The following PAG1 variants were observed in gnomAD, a reference collection of about 807,000 sequenced individuals.
PAG1 encodes phosphoprotein membrane anchor with glycosphingolipid microdomains 1, also known as phosphoprotein associated with glycosphingolipid-enriched microdomains 1.
Under a neutral mutation model 31.7 loss-of-function variants are expected in PAG1, and 23 were observed. The observed-to-expected ratio is 0.73, with a 90% CI of 0.52 to 1.03. The LOEUF (loss-of-function observed/expected upper bound fraction) is 1.03. Ranked by LOEUF, PAG1 falls within the 50% of genes least tolerant of loss-of-function variation. PAG1 has a pLI of 0.00. For missense variants in PAG1, 473 were observed against 540.7 expected, an observed-to-expected ratio of 0.87 and a Z score of 1.24; for synonymous variants, 214 against 210.3, an observed-to-expected ratio of 1.02 and a Z score of -0.15.
intron 3 of PAG1, among the ~76,000 whole-genome samples, chr8:81,007,786 T>C (rs369840879): frequency 9.2e-5 from 14 of 152,302 alleles, no homozygotes; most frequent in African/African-American, 2.6e-4. Context: ...ACTATATTTC[T>C]GTGAGTGGCA....
chr8:81,031,389 G>A (rs1271731216), intron 2 of PAG1, among the ~76,000 whole-genome samples: 1 of 152,158 alleles, frequency 6.6e-6, no homozygotes, highest in African/African-American at 2.4e-5. Flanking sequence ...AGACAACTGA[G>A]TTCCCAAGCC....
At chr8:81,088,851 T>C (rs2131053386) in intron 1 of PAG1, among the ~76,000 whole-genome samples, 1 of 152,368 alleles carries the variant, frequency 6.6e-6, no homozygotes, top group Non-Finnish European at 1.5e-5. Context: ...AAGAGGTTCA[T>C]TTATCATCCT....
chr8:80,992,248 G>C (rs1383302942), intron 4 of PAG1, among the ~76,000 whole-genome samples: 5 of 152,238 alleles, frequency 3.3e-5, no homozygotes, highest in African/African-American at 1.2e-4. Context: ...CTGGGTCCAG[G>C]CTGGGCAGGG....
chr8:81,095,500 A>C (rs961232743), intron 1 of PAG1, among the ~76,000 whole-genome samples: 3 of 152,166 alleles, frequency 2.0e-5, no homozygotes, highest in Non-Finnish European at 2.9e-5. Flanking sequence ...CAATTCATGC[A>C]AACCCTGGTT....
intron 2 of PAG1, among the ~76,000 whole-genome samples, chr8:81,065,785 TTA>T (rs145622605): frequency 0.048 from 7,230 of 151,034 alleles, 625 homozygotes; most frequent in African/African-American, 0.17. Flanking sequence ...ACTATGTATT[TTA>T]TATATATATG....
intron 2 of PAG1, among the ~76,000 whole-genome samples, chr8:81,055,964 G>C (rs1310083359): frequency 1.3e-5 from 2 of 152,136 alleles, no homozygotes; most frequent in African/African-American, 4.8e-5. Flanking sequence ...TCTTCTGCCT[G>C]ATTGCCCTGG....
chr8:81,017,201 T>G (rs1377027447), intron 3 of PAG1, among the ~76,000 whole-genome samples: 1 of 152,266 alleles, frequency 6.6e-6, no homozygotes, highest in Non-Finnish European at 1.5e-5. Context: ...TGGGCATGTT[T>G]AAACTTATTT....
At chr8:80,994,730 T>G (rs112298851) in intron 3 of PAG1, among the ~76,000 whole-genome samples, 1 of 152,210 alleles carries the variant, frequency 6.6e-6, no homozygotes, top group Admixed American at 6.5e-5. Flanking sequence ...TGTGAAATAT[T>G]TTAAGAGCTA....
chr8:81,021,517 CATGT>C (rs1808169860), intron 3 of PAG1, among the ~76,000 whole-genome samples: 1 of 75,200 alleles, frequency 1.3e-5, no homozygotes, highest in South Asian at 3.8e-4. Context: ...TGTGTGTGTG[CATGT>C]GTGTGTGTGT....
intron 2 of PAG1, among the ~76,000 whole-genome samples, chr8:81,051,264 C>G (rs1808723827): frequency 6.6e-6 from 1 of 152,178 alleles, no homozygotes; most frequent in Non-Finnish European, 1.5e-5. Context: ...AAAATGAGAA[C>G]AGAGAAGTCC....
intron 4 of PAG1, among the ~76,000 whole-genome samples, chr8:80,992,554 A>G (rs1807573626): frequency 6.6e-6 from 1 of 152,212 alleles, no homozygotes; most frequent in Non-Finnish European, 1.5e-5. Flanking sequence ...CTGACATTTT[A>G]TATGAGACAG....
At chr8:81,033,782 G>C (rs189715802) in intron 2 of PAG1, among the ~76,000 whole-genome samples, 27 of 152,378 alleles carry the variant, frequency 1.8e-4, no homozygotes, top group Admixed American at 5.2e-4. Flanking sequence ...AACTGAAACA[G>C]AGCTCCATTC....
chr8:81,076,948 A>G (rs1305459580), intron 1 of PAG1, among the ~76,000 whole-genome samples: 1 of 152,220 alleles, frequency 6.6e-6, no homozygotes, highest in Non-Finnish European at 1.5e-5. Flanking sequence ...GATGAAGATG[A>G]TTATGAAGAA....
intron 1 of PAG1, among the ~76,000 whole-genome samples, chr8:81,083,104 G>A (rs1809295473): frequency 6.6e-6 from 1 of 152,054 alleles, no homozygotes; most frequent in South Asian, 2.1e-4. Context: ...ATTATTGCTG[G>A]TTCATCCTGA....
rs764617450 is a variant in PAG1, at chr8:80,993,326, G to A, written c.-80-19C>T. ...CTGTGTCCTGCAAAGAGACCAGTGC[G>A]TTTGGAGAGTAATTCTCGGGTAAAG... On this transcript the variant is annotated intron_variant, in intron 3 of 8. Transcript: ENST00000220597. 8.8e-5 allele frequency: 107 copies of A among 1,217,760 alleles called. 1 individual carries two copies. The highest frequency in any genetic ancestry group is 5.1e-4 in the South Asian group (32 of 62,542). The allele number at this position is 1,217,760 out of a possible 1,614,324, so 75.4% of individuals were successfully genotyped here. A position where few individuals can be genotyped will look rare whatever the true frequency, so the allele number is the denominator to read the frequency against.
At chr8:81,103,159 A>G (rs1161375991) in intron 1 of PAG1, among the ~76,000 whole-genome samples, 1 of 150,326 alleles carries the variant, frequency 6.7e-6, no homozygotes, top group African/African-American at 2.4e-5. Flanking sequence ...TGTGGGAAAA[A>G]AAAAAAAAAA....
chr8:81,038,244 G>C (rs1313753335), intron 2 of PAG1, among the ~76,000 whole-genome samples: 1 of 152,160 alleles, frequency 6.6e-6, no homozygotes, highest in African/African-American at 2.4e-5. Context: ...TAACTAACTT[G>C]AAGTCTGCCC....
intron 3 of PAG1, among the ~76,000 whole-genome samples, chr8:80,996,009 A>G (rs1165239489): frequency 6.6e-6 from 1 of 152,270 alleles, no homozygotes; most frequent in East Asian, 1.9e-4. Context: ...AGCCACTGAA[A>G]GACTTTTTCC....
chr8:81,065,544 G>A (rs1480661095), intron 2 of PAG1, among the ~76,000 whole-genome samples: 1 of 152,074 alleles, frequency 6.6e-6, no homozygotes, highest in African/African-American at 2.4e-5. Flanking sequence ...AATGAAACTA[G>A]CTTTTACGTC....
Sources: allele counts gnomAD v4.1 joint callset (sites outside exome capture counted in the v4.1 genomes callset), GRCh38; gene constraint gnomAD v4.1.1; transcripts MANE v1.5; gene names NCBI Gene and HGNC (gene_info 2026-07-23, HGNC 2026-07-21).